The following RNLS variants were observed in gnomAD, a reference collection of about 807,000 sequenced individuals.
RNLS encodes the protein renalase, FAD dependent amine oxidase, also known as renalase.
In RNLS, 39 loss-of-function variants were observed where a neutral mutation model predicts 39.8. That is an observed-to-expected ratio of 0.98 (90% CI 0.76 to 1.28). RNLS has a LOEUF of 1.28. RNLS is among the 50% of genes most tolerant of loss of function. The pLI is 0.00. For synonymous variants in RNLS, 147 were observed against 150.7 expected (o/e 0.98, Z 0.18); for missense variants, 410 against 413.3 (o/e 0.99, Z 0.07).
chr10:88,580,627 C>T (rs1417973133), intron 3 of RNLS, among the ~76,000 whole-genome samples: 3 of 152,044 alleles, frequency 2.0e-5, no homozygotes, highest in Middle Eastern at 3.4e-3. Context: ...ATTTTCAAAA[C>T]GCTCATAAAA....
intron 4 of RNLS, among the ~76,000 whole-genome samples, chr10:88,513,728 A>G (rs1846269450): frequency 6.6e-6 from 1 of 152,140 alleles, no homozygotes; most frequent in Non-Finnish European, 1.5e-5. Flanking sequence ...TAGAAATTAA[A>G]TTGCTGGGAT....
rs115509349 is a variant in RNLS, at chr10:88,379,122, T to C, written c.527-16397A>G. On this transcript the variant is annotated intron_variant, in intron 4 of 6. Transcript: ENST00000331772. Reference sequence around the variant, plus strand: ...TGATGGCTACAACATCACGAGGTCATAGGAATTTTTCAGCTCCATTACAAT... The same window carrying C: ...TGATGGCTACAACATCACGAGGTCACAGGAATTTTTCAGCTCCATTACAAT... Among the ~76,000 whole-genome samples the C allele has an allele frequency of 9.3e-3, 1,415 of 152,318 alleles. 20 individuals are homozygous for C. The highest frequency in any genetic ancestry group is 0.032 in the African/African-American group (1,319 of 41,582).
intron 4 of RNLS, among the ~76,000 whole-genome samples, chr10:88,535,458 C>T (rs937556859): frequency 1.3e-5 from 2 of 151,882 alleles, no homozygotes; most frequent in East Asian, 1.9e-4. Context: ...GGAGGGAGAA[C>T]ATCAGGAAGA....
In RNLS at chr10:88,369,543, T is replaced by C. The variant is rs144930407; in HGVS notation, c.527-6818A>G. Among the ~76,000 whole-genome samples the C allele has an allele frequency of 6.0e-3, 920 of 152,254 alleles. 5 individuals carry two copies. The highest frequency in any genetic ancestry group is 0.011 in the Non-Finnish European group (739 of 67,982). On this transcript the variant is annotated intron_variant, in intron 4 of 6. Transcript: ENST00000331772. ...CCCTGGTTCCAACTCTCATGGGGCA[T>C]TGATTGGTAACCTTTTCTTCCCTCA...
chr10:88,332,613 T>C (rs1354725866), intron 5 of RNLS, among the ~76,000 whole-genome samples: 1 of 152,254 alleles, frequency 6.6e-6, no homozygotes, highest in Non-Finnish European at 1.5e-5. Flanking sequence ...AGAAGGTAAT[T>C]GGCCTGGAAA....
intron 4 of RNLS, among the ~76,000 whole-genome samples, chr10:88,388,035 CA>C (rs1420528989): frequency 1.3e-5 from 2 of 152,160 alleles, no homozygotes; most frequent in Non-Finnish European, 2.9e-5. Context: ...TGGGGTGTAT[CA>C]CAGTCGCCTT....
Position 88,571,578 on chromosome 10 carries a change from T to C in RNLS, c.526+1325A>G, listed in dbSNP as rs146999532. Among the ~76,000 whole-genome samples the C allele has an allele frequency of 7.9e-3, 1,208 of 152,312 alleles. 24 individuals are homozygous for C. Among genetic ancestry groups the C allele is most frequent in the African/African-American group, 0.028 (1,145 of 41,580 alleles). ...TAAAATGAACACCGTCAGCTAGGATTGTAGTATCAGTAAGGAAAACTGGCC... is the reference window on the plus strand; with the variant it reads ...TAAAATGAACACCGTCAGCTAGGATCGTAGTATCAGTAAGGAAAACTGGCC... On this transcript the variant is annotated intron_variant, in intron 4 of 6. Transcript: ENST00000331772.
chr10:88,182,486 A>G, the RNLS span, among the ~76,000 whole-genome samples: 1 of 152,190 alleles, frequency 6.6e-6, no homozygotes, highest in African/African-American at 2.4e-5. Flanking sequence ...CATATCTGAA[A>G]TAATGAATAA....
chr10:88,547,927 TAAAC>T (rs981881686), intron 4 of RNLS, among the ~76,000 whole-genome samples: 4 of 151,886 alleles, frequency 2.6e-5, no homozygotes, highest in African/African-American at 4.8e-5. Flanking sequence ...AATAAATTAA[TAAAC>T]AAAGAAAAAG....
chr10:88,267,799 AGAGAAT>A, the RNLS span, among the ~76,000 whole-genome samples: 1 of 152,200 alleles, frequency 6.6e-6, no homozygotes, highest in African/African-American at 2.4e-5. Context: ...AGTGAGGAAT[AGAGAAT>A]TTGGATGTGG....
chr10:88,302,323 C>T (rs749484835), intron 6 of RNLS, among the ~76,000 whole-genome samples: 82 of 152,132 alleles, frequency 5.4e-4, no homozygotes, highest in African/African-American at 1.4e-3. Context: ...AAAAGAACTA[C>T]GAAACAAAAC....
chr10:88,265,909 T>G, the RNLS span, among the ~76,000 whole-genome samples: 4 of 152,212 alleles, frequency 2.6e-5, no homozygotes, highest in African/African-American at 9.7e-5. Context: ...TAGTCATTCA[T>G]CCCTTTAGGA....
chr10:88,352,484 T>G (rs1848792576), intron 5 of RNLS, among the ~76,000 whole-genome samples: 1 of 152,210 alleles, frequency 6.6e-6, no homozygotes, highest in African/African-American at 2.4e-5. Flanking sequence ...TTGGTTCTGT[T>G]TACATGCTGG....
At chr10:88,341,070 AAC>A (rs1564709824) in intron 5 of RNLS, among the ~76,000 whole-genome samples, 3 of 149,564 alleles carry the variant, frequency 2.0e-5, no homozygotes, top group African/African-American at 7.4e-5. Flanking sequence ...AAAAAAAAAA[AAC>A]AAAAAACAGC....
At chr10:88,216,547 A>T in the RNLS span, among the ~76,000 whole-genome samples, 2 of 152,172 alleles carry the variant, frequency 1.3e-5, no homozygotes, top group South Asian at 2.1e-4. Context: ...TCTAGCAAAA[A>T]TCCTGAGAAT....
At chr10:88,280,400 T>C (rs1397769739), downstream of RNLS, among the ~76,000 whole-genome samples, 1 of 152,168 alleles carries the variant, frequency 6.6e-6, no homozygotes. Flanking sequence ...CAACGTGGCA[T>C]AGGATCAAGG....
At chr10:88,423,281 G>A (rs7918921) in intron 4 of RNLS, among the ~76,000 whole-genome samples, 87,496 of 151,938 alleles carry the variant, frequency 0.58, 25,200 homozygotes, top group African/African-American at 0.6. Flanking sequence ...TATGCTACAC[G>A]TATGCTGACA....
chr10:88,265,923 G>C, the RNLS span, among the ~76,000 whole-genome samples: 1 of 152,196 alleles, frequency 6.6e-6, no homozygotes, highest in Non-Finnish European at 1.5e-5. Context: ...TTTAGGAATA[G>C]TTCCATGCTT....
At chr10:88,231,427 A>G in the RNLS span, among the ~76,000 whole-genome samples, 38 of 152,252 alleles carry the variant, frequency 2.5e-4, 1 homozygote, top group Middle Eastern at 3.4e-3. Flanking sequence ...GAGCAAATAC[A>G]TTTCTGTTGT....
Sources: gnomAD v4.1 joint callset for allele counts (sites outside exome capture counted in the v4.1 genomes callset) on GRCh38, gnomAD v4.1.1 for gene constraint, MANE v1.5 for transcripts, NCBI Gene and HGNC (gene_info 2026-07-23, HGNC 2026-07-21) for gene names.